CCSER1: variants seen among roughly 807,000 people sequenced by gnomAD.
CCSER1 encodes coiled-coil serine rich protein 1, also known as serine-rich coiled-coil domain-containing protein 1.
A neutral mutation model predicts 82.0 loss-of-function variants in CCSER1; 41 were observed. The observed-to-expected ratio is 0.50, with a 90% confidence interval of 0.39 to 0.65. The LOEUF (loss-of-function observed/expected upper bound fraction) is 0.65. Ranked by LOEUF, CCSER1 falls within the 30% of genes least tolerant of loss-of-function variation. The pLI, the probability that CCSER1 is intolerant of heterozygous loss-of-function variation, is 0.00. For missense variants in CCSER1, 1,119 were observed against 1,064.2 expected (o/e 1.05, Z -0.72); for synonymous variants, 414 against 383.9 (o/e 1.08, Z -0.92).
chr4:91,409,973 A>C (rs535614590), intron 10 of CCSER1, among the ~76,000 whole-genome samples: 1 of 152,320 alleles, frequency 6.6e-6, no homozygotes, highest in Admixed American at 6.5e-5. Flanking sequence ...AGATTCGTGC[A>C]AAATAAACAC....
At chr4:90,478,123 G>T (rs1765356584) in intron 5 of CCSER1, among the ~76,000 whole-genome samples, 2 of 152,164 alleles carry the variant, frequency 1.3e-5, no homozygotes, top group African/African-American at 2.4e-5. Context: ...GGGAATGCCT[G>T]TTGTAAAATG....
intron 6 of CCSER1, among the ~76,000 whole-genome samples, chr4:90,672,613 T>C (rs1733005708): frequency 1.3e-5 from 2 of 152,050 alleles, no homozygotes; most frequent in African/African-American, 4.8e-5. Context: ...CCTTCAGGAA[T>C]GTTTTCTTTG....
At chr4:91,165,189 C>G (rs2148987731) in intron 10 of CCSER1, among the ~76,000 whole-genome samples, 1 of 152,280 alleles carries the variant, frequency 6.6e-6, no homozygotes. Flanking sequence ...AGAGTCAGGT[C>G]CCTCAGCTGC....
At chr4:90,829,361 A>G (rs1179923283) in intron 8 of CCSER1, among the ~76,000 whole-genome samples, 1 of 152,164 alleles carries the variant, frequency 6.6e-6, no homozygotes, top group East Asian at 1.9e-4. Flanking sequence ...CATAATAGAA[A>G]ATAGCTATGG....
intron 10 of CCSER1, among the ~76,000 whole-genome samples, chr4:91,550,411 G>A (rs1762107308): frequency 6.6e-6 from 1 of 152,128 alleles, no homozygotes; most frequent in African/African-American, 2.4e-5. Context: ...TTTTCCTATT[G>A]CTTCCCATGG....
intron 10 of CCSER1, among the ~76,000 whole-genome samples, chr4:91,380,241 G>T (rs1261066370): frequency 6.6e-6 from 1 of 152,166 alleles, no homozygotes; most frequent in Admixed American, 6.5e-5. Context: ...GGGGTGGAGA[G>T]TTCTGTAGAT....
At chr4:90,565,526 C>T (rs1779260422) in intron 5 of CCSER1, among the ~76,000 whole-genome samples, 1 of 152,168 alleles carries the variant, frequency 6.6e-6, no homozygotes, top group Non-Finnish European at 1.5e-5. Flanking sequence ...CTTACTTGAT[C>T]TGGCTAGAGT....
intron 9 of CCSER1, among the ~76,000 whole-genome samples, chr4:91,047,831 G>GA (rs1265522443): frequency 6.6e-6 from 1 of 152,114 alleles, no homozygotes; most frequent in Non-Finnish European, 1.5e-5. Context: ...ATATTCGCCA[G>GA]AAAATAAGTT....
At chr4:91,551,966 C>A (rs1038126998) in intron 10 of CCSER1, among the ~76,000 whole-genome samples, 11 of 151,556 alleles carry the variant, frequency 7.3e-5, no homozygotes, top group Admixed American at 1.3e-4. Flanking sequence ...AATGCTGTGG[C>A]AGTTTGAATT....
chr4:90,597,903 G>C (rs904632067), intron 5 of CCSER1, among the ~76,000 whole-genome samples: 3 of 151,874 alleles, frequency 2.0e-5, no homozygotes, highest in African/African-American at 4.8e-5. Context: ...TATTCTTTCT[G>C]TGTCTGGTTT....
intron 10 of CCSER1, among the ~76,000 whole-genome samples, chr4:91,414,128 A>G (rs1225566152): frequency 6.6e-6 from 1 of 152,178 alleles, no homozygotes; most frequent in Non-Finnish European, 1.5e-5. Context: ...AGGTAAATAT[A>G]TGGTCAAATC....
At chr4:90,625,003 CT>C (rs564083338) in intron 5 of CCSER1, among the ~76,000 whole-genome samples, 1 of 152,052 alleles carries the variant, frequency 6.6e-6, no homozygotes, top group Non-Finnish European at 1.5e-5. Flanking sequence ...CATACTCTTT[CT>C]TTTTTTGCCA....
intron 5 of CCSER1, among the ~76,000 whole-genome samples, chr4:90,599,076 G>C (rs1560785854): frequency 6.6e-6 from 1 of 152,126 alleles, no homozygotes; most frequent in Non-Finnish European, 1.5e-5. Flanking sequence ...GAGTAGTACA[G>C]CCATGTGAAT....
chr4:91,354,141 T>C (rs977966169), intron 10 of CCSER1, among the ~76,000 whole-genome samples: 1 of 152,212 alleles, frequency 6.6e-6, no homozygotes, highest in Non-Finnish European at 1.5e-5. Context: ...AAACAGCTTG[T>C]AACCGTATGA....
At chr4:90,556,206 A>T (rs1452570257) in intron 5 of CCSER1, among the ~76,000 whole-genome samples, 1 of 152,152 alleles carries the variant, frequency 6.6e-6, no homozygotes. Context: ...TACTGGGAAA[A>T]CAGTTTAAGA....
intron 10 of CCSER1, among the ~76,000 whole-genome samples, chr4:91,446,879 T>C (rs1755600385): frequency 6.6e-6 from 1 of 151,186 alleles, no homozygotes; most frequent in African/African-American, 2.5e-5. Flanking sequence ...TTTGGCAATA[T>C]ATTGAATTTC....
At chr4:91,149,377 A>G (rs1347257092) in intron 10 of CCSER1, among the ~76,000 whole-genome samples, 1 of 152,212 alleles carries the variant, frequency 6.6e-6, no homozygotes, top group East Asian at 1.9e-4. Flanking sequence ...TCTGGAAATT[A>G]GCCCTTTGTC....
At chr4:90,274,224 A>G (rs574499022) in intron 1 of CCSER1, among the ~76,000 whole-genome samples, 38 of 152,124 alleles carry the variant, frequency 2.5e-4, no homozygotes, top group Non-Finnish European at 5.0e-4. Context: ...TTAAGAAAGG[A>G]CATTGGTTAA....
In CCSER1 at chr4:90,141,876, T is replaced by C. The variant is rs139997851; in HGVS notation, c.-42+14045T>C. Among the ~76,000 whole-genome samples the C allele has an allele frequency of 2.7e-3, 410 of 152,338 alleles. 3 individuals are homozygous for C. The highest frequency in any genetic ancestry group is 4.2e-3 in the Non-Finnish European group (286 of 68,032). ...GCTTGCCCACTGCAGGTCAACTTAATTTGGACAATGTTGACTATGCATACA... is the reference window on the plus strand; with the variant it reads ...GCTTGCCCACTGCAGGTCAACTTAACTTGGACAATGTTGACTATGCATACA... On this transcript the variant is annotated intron_variant, in intron 1 of 10. Coordinates refer to ENST00000509176, the MANE Select transcript of CCSER1 (RefSeq NM_001145065.2).
Sources: allele counts gnomAD v4.1 joint callset (sites outside exome capture counted in the v4.1 genomes callset), GRCh38; gene constraint gnomAD v4.1.1; transcripts MANE v1.5; gene names NCBI Gene and HGNC (gene_info 2026-07-23, HGNC 2026-07-21).